The following RPS6KC1 variants were observed in gnomAD, a reference collection of about 807,000 sequenced individuals.
RPS6KC1 encodes the protein inactive ribosomal protein S6 kinase delta-1.
RPS6KC1 carries 54 observed loss-of-function variants against 103.8 expected under a neutral mutation model. The ratio of observed to expected loss-of-function variants is 0.52; its 90% confidence interval spans 0.42 to 0.65. The LOEUF is 0.65. Ranked by LOEUF, RPS6KC1 falls within the 30% of genes least tolerant of loss-of-function variation. The pLI is 0.00. For synonymous variants in RPS6KC1, 439 were observed against 438.7 expected, an observed-to-expected ratio of 1.00 and a Z score of -0.01; for missense variants, 1,151 against 1,253.8, an observed-to-expected ratio of 0.92 and a Z score of 1.24.
the RPS6KC1 span, among the ~76,000 whole-genome samples, chr1:213,654,924 G>A: frequency 6.6e-6 from 1 of 152,166 alleles, no homozygotes; most frequent in African/African-American, 2.4e-5. Flanking sequence ...TAAACTATAG[G>A]CAAATCTCAC....
intron 6 of RPS6KC1, among the ~76,000 whole-genome samples, chr1:213,134,348 C>T (rs1046344101): frequency 6.6e-6 from 1 of 151,844 alleles, no homozygotes; most frequent in Non-Finnish European, 1.5e-5. Flanking sequence ...TTCTCCTCTC[C>T]TTCCCTTTTA....
At chr1:213,822,329 G>A in the RPS6KC1 span, 2 of 152,066 alleles carry the variant, frequency 1.3e-5, no homozygotes, top group African/African-American at 4.8e-5. Flanking sequence ...CTCAGACCTT[G>A]AATCTCTTCT....
At chr1:213,111,048 C>T (rs1430092600) in intron 4 of RPS6KC1, among the ~76,000 whole-genome samples, 1 of 151,772 alleles carries the variant, frequency 6.6e-6, no homozygotes, top group African/African-American at 2.4e-5. Context: ...ATTACTGTGA[C>T]CACTCAGCTG....
the RPS6KC1 span, among the ~76,000 whole-genome samples, chr1:213,383,350 C>A: frequency 6.6e-6 from 1 of 152,256 alleles, no homozygotes; most frequent in South Asian, 2.1e-4. Context: ...CCAGAAGCCC[C>A]CTTTACCTTG....
At chr1:213,718,904 G>A in the RPS6KC1 span, among the ~76,000 whole-genome samples, 4 of 152,308 alleles carry the variant, frequency 2.6e-5, 1 homozygote, top group East Asian at 3.9e-4. Flanking sequence ...CTGCTGGTGC[G>A]TTGACTGCAC....
intron 3 of RPS6KC1, among the ~76,000 whole-genome samples, chr1:213,088,379 T>C (rs958208148): frequency 3.3e-5 from 5 of 152,112 alleles, no homozygotes; most frequent in Admixed American, 1.3e-4. Context: ...ATTTTTTTTT[T>C]TTGAGATGGA....
At chr1:213,647,686 G>T in the RPS6KC1 span, among the ~76,000 whole-genome samples, 21 of 152,052 alleles carry the variant, frequency 1.4e-4, no homozygotes, top group African/African-American at 4.8e-4. Context: ...TAATCCAAAG[G>T]CTCCCAAACG....
intron 1 of RPS6KC1, among the ~76,000 whole-genome samples, chr1:213,057,611 T>A (rs971684427): frequency 1.3e-5 from 2 of 152,040 alleles, no homozygotes; most frequent in Non-Finnish European, 2.9e-5. Context: ...ATTTGCCTAT[T>A]TTTTTCTTTG....
the RPS6KC1 span, among the ~76,000 whole-genome samples, chr1:213,436,266 G>A: frequency 4.6e-5 from 7 of 152,190 alleles, no homozygotes; most frequent in Non-Finnish European, 2.9e-5. Context: ...CACAATGACT[G>A]CATTTCGAGT....
the RPS6KC1 span, among the ~76,000 whole-genome samples, chr1:213,723,835 T>C: frequency 2.6e-5 from 4 of 151,436 alleles, no homozygotes; most frequent in Admixed American, 2.0e-4. Flanking sequence ...GGTGATATTC[T>C]GGTGCAGAGA....
the RPS6KC1 span, among the ~76,000 whole-genome samples, chr1:213,391,822 C>G: frequency 2.6e-5 from 4 of 152,160 alleles, no homozygotes; most frequent in Non-Finnish European, 5.9e-5. Context: ...TATCTTTTAT[C>G]TTCATTTCTG....
chr1:213,400,536 G>T, the RPS6KC1 span, among the ~76,000 whole-genome samples: 1 of 152,024 alleles, frequency 6.6e-6, no homozygotes, highest in East Asian at 1.9e-4. Context: ...CCCTGTCCCT[G>T]CCCCTTCCAG....
At chr1:213,120,606 A>G (rs2084270954) in intron 5 of RPS6KC1, among the ~76,000 whole-genome samples, 1 of 152,076 alleles carries the variant, frequency 6.6e-6, no homozygotes, top group African/African-American at 2.4e-5. Flanking sequence ...GTGGTGACAA[A>G]TGCTTGTGTT....
chr1:213,712,086 C>T, the RPS6KC1 span, among the ~76,000 whole-genome samples: 4 of 152,216 alleles, frequency 2.6e-5, no homozygotes, highest in South Asian at 2.1e-4. Flanking sequence ...CAGGCAGGAA[C>T]GTTTACGTGT....
the RPS6KC1 span, among the ~76,000 whole-genome samples, chr1:213,474,396 G>C: frequency 1.3e-5 from 2 of 152,146 alleles, no homozygotes; most frequent in African/African-American, 2.4e-5. Flanking sequence ...TAGGAGTGGA[G>C]AGAGGGACAG....
chr1:213,084,407 T>C (rs2080191184), intron 3 of RPS6KC1, among the ~76,000 whole-genome samples: 1 of 152,088 alleles, frequency 6.6e-6, no homozygotes, highest in Admixed American at 6.6e-5. Flanking sequence ...AGTGCTGGGA[T>C]TACAGGTGTG....
At chr1:213,540,393 G>T in the RPS6KC1 span, among the ~76,000 whole-genome samples, 1 of 152,190 alleles carries the variant, frequency 6.6e-6, no homozygotes, top group African/African-American at 2.4e-5. Flanking sequence ...ACCCAGGCTG[G>T]AGTGCAGTGG....
chr1:213,096,702 C>T (rs77501117), intron 3 of RPS6KC1, among the ~76,000 whole-genome samples: 2 of 152,060 alleles, frequency 1.3e-5, no homozygotes, highest in East Asian at 1.9e-4. Context: ...TACCTTCCCC[C>T]AAATGTTGTC....
At chr1:213,060,768 C>T (rs2077761833) in intron 1 of RPS6KC1, among the ~76,000 whole-genome samples, 1 of 152,142 alleles carries the variant, frequency 6.6e-6, no homozygotes, top group African/African-American at 2.4e-5. Flanking sequence ...ATAACTTTAG[C>T]AAACATATAC....
Sources: allele counts gnomAD v4.1 joint callset (sites outside exome capture counted in the v4.1 genomes callset), GRCh38; gene constraint gnomAD v4.1.1; transcripts MANE v1.5; gene names NCBI Gene and HGNC (gene_info 2026-07-23, HGNC 2026-07-21).